STAM: variants seen among roughly 807,000 people sequenced by gnomAD.
STAM encodes the protein signal transducing adaptor molecule.
A neutral mutation model predicts 63.4 loss-of-function variants in STAM; 16 were observed. That is an observed-to-expected ratio of 0.25 (90% confidence interval 0.17 to 0.38). The LOEUF is 0.38. Ranked by LOEUF, STAM falls within the 10% of genes least tolerant of loss-of-function variation. STAM has a pLI of 1.00. For missense variants in STAM, 636 were observed against 657.1 expected, an observed-to-expected ratio of 0.97 and a Z score of 0.35; for synonymous variants, 238 against 223.9, an observed-to-expected ratio of 1.06 and a Z score of -0.56.
chr10:17,651,624 T>G (rs1833745223), intron 1 of STAM, among the ~76,000 whole-genome samples: 2 of 152,236 alleles, frequency 1.3e-5, no homozygotes, highest in African/African-American at 4.8e-5. Context: ...CTCTCTGAAA[T>G]GCTTCCATGC....
intron 1 of STAM, among the ~76,000 whole-genome samples, chr10:17,649,863 T>A (rs1306394398): frequency 6.6e-6 from 1 of 152,232 alleles, no homozygotes; most frequent in Non-Finnish European, 1.5e-5. Context: ...TCTGCCTGCC[T>A]CAGCCTCCCA....
chr10:17,663,935 C>T (rs1834275570), intron 2 of STAM, among the ~76,000 whole-genome samples: 1 of 151,872 alleles, frequency 6.6e-6, no homozygotes, highest in East Asian at 1.9e-4. Flanking sequence ...GCCCTAGGCA[C>T]TTTTGTCTTC....
At chr10:17,696,717 A>C in intron 7 of STAM, 58 bp from the exon 8 acceptor site, 1 of 1,258,806 alleles carries the variant, frequency 7.9e-7, no homozygotes, top group Admixed American at 1.8e-5. Context: ...CAAAAGATAA[A>C]GATGTACAGA....
At chr10:17,685,006 G>T (rs1207067515) in intron 4 of STAM, 79 bp downstream of exon 4, 11 of 1,159,804 alleles carry the variant, frequency 9.5e-6, no homozygotes, top group Admixed American at 2.2e-5. Context: ...CTTCACAGAG[G>T]ACTATTCTGT....
intron 2 of STAM, among the ~76,000 whole-genome samples, chr10:17,668,267 G>A (rs1354742335): frequency 6.6e-6 from 1 of 152,254 alleles, no homozygotes; most frequent in East Asian, 1.9e-4. Context: ...GGCAGTTTTA[G>A]GAAAGAGGGA....
In STAM at chr10:17,672,925, G is replaced by C. The variant is rs782568722; in HGVS notation, c.126-11750G>C. 2.3e-4 allele frequency: 125 copies of C among 546,958 alleles called. 1 individual carries two copies. The highest frequency in any genetic ancestry group is 2.7e-4 in the Non-Finnish European group (118 of 429,810). 33.9% of individuals were successfully genotyped at this position (546,958 alleles called of 1,614,324 possible). A position where few individuals can be genotyped will look rare whatever the true frequency, so the allele number is the denominator to read the frequency against. On this transcript the variant is annotated intron_variant, in intron 2 of 13. Transcript: ENST00000377524. ...AGTGAGAGATAATTCTCCTTTCCCT[G>C]TTCTTTGTCCCTGCCCCTGACCCCT...
rs1554820511 is a variant in STAM, at chr10:17,644,346, C to A, written c.7C>A (p.Leu3Ile). MP[L>I]FATNPFDQDV... is the part of the protein sequence containing the mutation. ...ACCTCGGCACGCAGCGGAGATGCCT[C>A]TTTTTGCCACCAATCCCTTCGATCA... The change falls in exon 1 of 14, where the codon CTT becomes ATT. Residue 3 changes from leucine (L) to isoleucine (I), a missense_variant. By Grantham distance (5) the Leu-to-Ile change is conservative. Transcript: ENST00000377524. 9 of 1,614,060 alleles carry A rather than the reference C, an allele frequency of 5.6e-6. No homozygotes were observed. The highest frequency in any genetic ancestry group is 6.8e-6 in the Non-Finnish European group (8 of 1,180,032).
chr10:17,682,245 A>G (rs566920961), intron 2 of STAM, among the ~76,000 whole-genome samples: 1 of 152,256 alleles, frequency 6.6e-6, no homozygotes, highest in South Asian at 2.1e-4. Context: ...TATTGTCAGT[A>G]CTCCTGTGTC....
intron 2 of STAM, among the ~76,000 whole-genome samples, chr10:17,681,186 A>G (rs1029575598): frequency 8.0e-4 from 109 of 136,278 alleles, no homozygotes; most frequent in African/African-American, 2.9e-3. Flanking sequence ...GTGAGGTGGT[A>G]TTGAGATCGT....
intron 2 of STAM, among the ~76,000 whole-genome samples, chr10:17,676,709 C>T (rs1330366852): frequency 1.3e-5 from 2 of 152,092 alleles, no homozygotes; most frequent in East Asian, 1.9e-4. Flanking sequence ...ATCTTTCACT[C>T]GCGAAAGGGT....
chr10:17,673,546 G>A (rs1554824315), intron 2 of STAM, among the ~76,000 whole-genome samples: 1 of 152,184 alleles, frequency 6.6e-6, no homozygotes, highest in Non-Finnish European at 1.5e-5. Context: ...TCAAATTTCA[G>A]TTGACAGTTT....
intron 2 of STAM, among the ~76,000 whole-genome samples, chr10:17,666,244 C>T (rs1171366021): frequency 2.6e-5 from 4 of 152,120 alleles, no homozygotes; most frequent in East Asian, 3.9e-4. Flanking sequence ...TTTCTTTACC[C>T]GACTAATGGA....
At chr10:17,678,801 C>T (rs372453892) in intron 2 of STAM, among the ~76,000 whole-genome samples, 11 of 152,182 alleles carry the variant, frequency 7.2e-5, no homozygotes, top group African/African-American at 2.6e-4. Context: ...CCCTCCTAGC[C>T]ACTAGTTACT....
chr10:17,673,139 T>C (rs1834709000), intron 2 of STAM: 1 of 622,286 alleles, frequency 1.6e-6, no homozygotes, highest in Non-Finnish European at 2.0e-6. Flanking sequence ...TCTCTTACCA[T>C]GTATTTTTAC....
intron 11 of STAM, among the ~76,000 whole-genome samples, 189 bp downstream of exon 11, chr10:17,705,213 G>A (rs1292531711): frequency 6.6e-6 from 1 of 152,034 alleles, no homozygotes; most frequent in Non-Finnish European, 1.5e-5. Context: ...GGATTTGATC[G>A]ACCTTTGCAA....
rs181410673 is a variant in STAM at position 17,676,224 on chromosome 10, G to T, written c.126-8451G>T. 8.0e-4 allele frequency among the ~76,000 whole-genome samples: 122 copies of T among 152,296 alleles called. 1 individual carries two copies. The highest frequency in any genetic ancestry group is 2.8e-3 in the African/African-American group (117 of 41,576). On this transcript the variant is annotated intron_variant, in intron 2 of 13. Coordinates refer to ENST00000377524, the MANE Select transcript of STAM (RefSeq NM_003473.4). The stretch of plus-strand genomic sequence containing the variant: ...AATTTTCATTTACTTCCAGGCATGA[G>T]CTGACTTATTTTTAATAGTTATGAC...
intron 1 of STAM, among the ~76,000 whole-genome samples, chr10:17,653,067 G>A (rs1196384419): frequency 2.0e-5 from 3 of 152,100 alleles, no homozygotes; most frequent in South Asian, 2.1e-4. Context: ...AGATGACTTG[G>A]TCTGGGGGCT....
At chr10:17,662,222 C>T (rs1834201028) in intron 2 of STAM, among the ~76,000 whole-genome samples, 1 of 152,056 alleles carries the variant, frequency 6.6e-6, no homozygotes, top group South Asian at 2.1e-4. Flanking sequence ...ATTTTTTTCC[C>T]TCCTGTATAA....
At chr10:17,681,684 T>C (rs1554825395) in intron 2 of STAM, among the ~76,000 whole-genome samples, 1 of 152,240 alleles carries the variant, frequency 6.6e-6, no homozygotes, top group Admixed American at 6.5e-5. Flanking sequence ...GTTTATGTTA[T>C]CTGAATTTAT....
Sources: allele counts gnomAD v4.1 joint callset (sites outside exome capture counted in the v4.1 genomes callset), GRCh38; gene constraint gnomAD v4.1.1; transcripts MANE v1.5; gene names NCBI Gene and HGNC (gene_info 2026-07-23, HGNC 2026-07-21).